DYNC1LI1: variants seen among roughly 807,000 people sequenced by gnomAD.
DYNC1LI1 encodes the protein cytoplasmic dynein 1 light intermediate chain 1.
DYNC1LI1 carries 19 observed loss-of-function variants against 63.8 expected under a neutral mutation model. The ratio of observed to expected loss-of-function variants is 0.30; its 90% confidence interval spans 0.21 to 0.44. The LOEUF (loss-of-function observed/expected upper bound fraction) is 0.44, where lower values mean the gene tolerates loss of function less well. Among genes scored for constraint, DYNC1LI1 ranks in the 20% least tolerant of loss-of-function variants. The pLI is 1.00. For missense variants in DYNC1LI1, 565 were observed against 630.2 expected (o/e 0.90, Z 1.11); for synonymous variants, 225 against 232.3 (o/e 0.97, Z 0.28).
At chr3:32,542,192 T>C (rs940120055) in intron 4 of DYNC1LI1, among the ~76,000 whole-genome samples, 6 of 152,122 alleles carry the variant, frequency 3.9e-5, no homozygotes, top group African/African-American at 1.4e-4. Context: ...CATGGCTCAC[T>C]ACAGCCCTGA....
chr3:32,542,548 C>T (rs1697896508), intron 4 of DYNC1LI1, among the ~76,000 whole-genome samples: 1 of 151,906 alleles, frequency 6.6e-6, no homozygotes, highest in African/African-American at 2.4e-5. Flanking sequence ...GCTGGGACTA[C>T]AGGCGCCCAC....
rs115862595 is a variant in DYNC1LI1, at chr3:32,548,260, G to A, written c.221-2295C>T. On this transcript the variant is annotated intron_variant, in intron 2 of 12. Transcript: ENST00000273130. Reference sequence around the variant, plus strand: ...CACCTCCCGTCAGATCAGCAGTGCCGGCATTAGATTCTCATAGGAGCCCAA... The same window carrying A: ...CACCTCCCGTCAGATCAGCAGTGCCAGCATTAGATTCTCATAGGAGCCCAA... Among the ~76,000 whole-genome samples, 816 of 152,126 alleles carry A rather than the reference G, an allele frequency of 5.4e-3. 11 individuals are homozygous for A. The highest frequency in any genetic ancestry group is 0.019 in the African/African-American group (768 of 41,506).
rs1280530631 is a variant in DYNC1LI1, at chr3:32,529,650, G to C, written c.1196C>G (p.Pro399Arg). 3 of 1,599,446 alleles carry C rather than the reference G, an allele frequency of 1.9e-6. No individual in the cohort carries two copies. Among genetic ancestry groups the C allele is most frequent in the Non-Finnish European group, 2.6e-6 (3 of 1,173,226 alleles). The change falls in exon 11 of 13, where the codon CCA becomes CGA. Residue 399 changes from proline to arginine, a missense_variant. Physicochemically the swap from Pro to Arg is moderately radical, Grantham distance 103 (BLOSUM62 -2). Transcript: ENST00000273130. Reference protein sequence around the residue: ...TAAGRPVDASPRVPGGSPRTP... With the variant: ...TAAGRPVDASRRVPGGSPRTP... ...TCGTGGGGAGCCTCCTGGGACTCTT[G>C]GTGAGGCATCCTATGTAAAAATAGG...
intron 2 of DYNC1LI1, among the ~76,000 whole-genome samples, chr3:32,569,079 A>C (rs1205528843): frequency 6.6e-6 from 1 of 152,076 alleles, no homozygotes; most frequent in Admixed American, 6.6e-5. Flanking sequence ...ACAAACATTA[A>C]CTCATTTGAT....
At position 32,526,634 on chromosome 3, in the gene DYNC1LI1, CCTT is replaced by C; in HGVS notation, c.*162_*164del. 1 of 538,122 alleles carries C rather than the reference CCTT, an allele frequency of 1.9e-6. No individual in the cohort carries two copies. Among genetic ancestry groups the C allele is most frequent in the South Asian group, 2.8e-5 (1 of 35,666 alleles). 33.3% of individuals were successfully genotyped at this position (538,122 alleles called of 1,614,324 possible). Reference sequence around the variant, plus strand: ...AGAATAATTTTTCTTCTGTACGGCTCCTTCTAAAAAATGGGTAACCACACACAC... The same window carrying C: ...AGAATAATTTTTCTTCTGTACGGCTCCTAAAAAATGGGTAACCACACACAC... On this transcript the variant is annotated 3_prime_UTR_variant, in exon 13 of 13. Coordinates refer to ENST00000273130, the MANE Select transcript of DYNC1LI1 (RefSeq NM_016141.4).
At chr3:32,527,373 G>A (rs900124759) in intron 12 of DYNC1LI1, among the ~76,000 whole-genome samples, 4 of 151,490 alleles carry the variant, frequency 2.6e-5, no homozygotes, top group African/African-American at 9.7e-5. Flanking sequence ...CCAAATGGAG[G>A]TATAACTGGC....
rs201287998 is a variant in DYNC1LI1 at position 32,528,535 on chromosome 3, G to A, written c.1373C>T (p.Ser458Phe). The change falls in exon 12 of 13, where the codon TCT (serine) becomes TTT (phenylalanine). Residue 458 changes from serine (S) to phenylalanine (F), a missense_variant. Transcript: ENST00000273130. ...ACCACTCACACCAGGGCCTCCTGGAGAGCCAGTCTTTTTACTCAACAAACT... is the reference window on the plus strand; with the variant it reads ...ACCACTCACACCAGGGCCTCCTGGAAAGCCAGTCTTTTTACTCAACAAACT... ...FNSLLSKKTG[S>F]PGGPGVSGGS... The A allele has an allele frequency of 1.8e-5, 29 of 1,613,924 alleles. No homozygotes were observed. Among genetic ancestry groups the A allele is most frequent in the South Asian group, 1.1e-5 (1 of 91,092 alleles).
At chr3:32,529,074 C>T (rs1697660900) in intron 11 of DYNC1LI1, among the ~76,000 whole-genome samples, 1 of 152,042 alleles carries the variant, frequency 6.6e-6, no homozygotes, top group Non-Finnish European at 1.5e-5. Context: ...GTATTTAAAG[C>T]ATGTTAATTA....
At chr3:32,535,387 C>T (rs1697760578) in intron 6 of DYNC1LI1, among the ~76,000 whole-genome samples, 1 of 152,198 alleles carries the variant, frequency 6.6e-6, no homozygotes, top group Non-Finnish European at 1.5e-5. Context: ...TGACCATCCA[C>T]ATTCTAGCAC....
chr3:32,539,467 T>A (rs1031959228), intron 5 of DYNC1LI1, among the ~76,000 whole-genome samples: 4 of 152,108 alleles, frequency 2.6e-5, no homozygotes, highest in Admixed American at 1.3e-4. Context: ...TCTTAACTAT[T>A]CCATGACTTA....
At chr3:32,538,527 C>G (rs188200328) in intron 5 of DYNC1LI1, among the ~76,000 whole-genome samples, 28 of 151,822 alleles carry the variant, frequency 1.8e-4, no homozygotes, top group Non-Finnish European at 4.0e-4. Flanking sequence ...GGTGAAACCC[C>G]GTCTCCACTA....
At chr3:32,539,257 T>C (rs1346575004) in intron 5 of DYNC1LI1, among the ~76,000 whole-genome samples, 1 of 152,134 alleles carries the variant, frequency 6.6e-6, no homozygotes, top group Non-Finnish European at 1.5e-5. Flanking sequence ...AACTTAATTA[T>C]TTTAAGTGCC....
At chr3:32,528,735 G>A (rs1697656467) in intron 11 of DYNC1LI1, 134 bp from the exon 12 acceptor site, 2 of 833,804 alleles carry the variant, frequency 2.4e-6, no homozygotes, top group Non-Finnish European at 3.5e-6. Context: ...TTCAAGTCTA[G>A]TTTGATCTTT....
intron 6 of DYNC1LI1, among the ~76,000 whole-genome samples, chr3:32,536,377 C>T (rs1697773465): frequency 6.6e-6 from 1 of 152,100 alleles, no homozygotes; most frequent in African/African-American, 2.4e-5. Context: ...AAGTTTTCAA[C>T]AGTAAAGTCT....
chr3:32,558,750 G>C (rs377268523), intron 2 of DYNC1LI1, among the ~76,000 whole-genome samples: 2 of 151,974 alleles, frequency 1.3e-5, no homozygotes, highest in African/African-American at 2.4e-5. Flanking sequence ...GAAGGCTGAG[G>C]CAGGAGAATC....
At position 32,545,006 on chromosome 3, in the gene DYNC1LI1, A is replaced by T. The variant is rs749646328; in HGVS notation, c.438T>A (p.Val146=). Reference sequence around the variant, plus strand: ...GCTTTGACATGTCAACAACCAGCATAACTAGAGTATCCTTCAGAGATACGG... The same window carrying T: ...GCTTTGACATGTCAACAACCAGCATTACTAGAGTATCCTTCAGAGATACGG... ...LDAVSLKDTL[V]MLVVDMSKPW... The change falls in exon 4 of 13, where the codon GTT becomes GTA. Residue 146 remains valine, a synonymous_variant. Coordinates refer to ENST00000273130, the MANE Select transcript of DYNC1LI1 (RefSeq NM_016141.4). 5.6e-6 allele frequency: 9 copies of T among 1,614,074 alleles called. No individual in the cohort carries two copies. Among genetic ancestry groups the T allele is most frequent in the Non-Finnish European group, 7.6e-6 (9 of 1,179,934 alleles).
rs376966081 is a variant in DYNC1LI1 at position 32,569,417 on chromosome 3, ACTT to A, written c.220+926_220+928del. Among the ~76,000 whole-genome samples, 691 of 152,288 alleles carry A rather than the reference ACTT, an allele frequency of 4.5e-3. 5 individuals are homozygous for A. The highest frequency in any genetic ancestry group is 0.016 in the African/African-American group (666 of 41,556). On this transcript the variant is annotated intron_variant, in intron 2 of 12. Transcript: ENST00000273130. ...CACGCAGCCTATCAAGTAGTATTTG[ACTT>A]CTTGTTTCCTGTTTTTAGATGGATA...
chr3:32,534,656 A>G lies in DYNC1LI1; in HGVS notation c.833-10T>C, dbSNP rs768723065. The G allele has an allele frequency of 1.3e-6, 2 of 1,525,522 alleles. No homozygotes were observed. The highest frequency in any genetic ancestry group is 2.7e-5 in the South Asian group (2 of 75,112). The allele number at this position is 1,525,522 out of a possible 1,614,324, so 94.5% of individuals were successfully genotyped here. A position where few individuals can be genotyped will look rare whatever the true frequency, so the allele number is the denominator to read the frequency against. On this transcript the variant is annotated splice_polypyrimidine_tract_variant and intron_variant, in intron 6 of 12. Transcript: ENST00000273130. ...ATAAGTGCTGCACCATCTGAATAATATGGTTAAAGAAAAATTCTGGACAAA... is the reference window on the plus strand; with the variant it reads ...ATAAGTGCTGCACCATCTGAATAATGTGGTTAAAGAAAAATTCTGGACAAA...
At position 32,528,572 on chromosome 3, in the gene DYNC1LI1, T is replaced by G. The variant is rs565360250; in HGVS notation, c.1336A>C (p.Asn446His). 1 of 1,612,606 alleles carries G rather than the reference T, an allele frequency of 6.2e-7. No homozygotes were observed. Among genetic ancestry groups the G allele is most frequent in the South Asian group, 1.1e-5 (1 of 90,768 alleles). Residue 446 changes from asparagine to histidine, a missense_variant, in exon 12 of 13, where the codon AAT becomes CAT. By Grantham distance (68) the Asn-to-His change is moderately conservative. Transcript: ENST00000273130. Reference sequence around the variant, plus strand: ...TTACTCAACAAACTGTTGAAGAAATTTGCCAGAACGCCTTCACTTGTAGCT... The same window carrying G: ...TTACTCAACAAACTGTTGAAGAAATGTGCCAGAACGCCTTCACTTGTAGCT... ...AGATSEGVLA[N>H]FFNSLLSKKT...
Sources: gnomAD v4.1 joint callset for allele counts (sites outside exome capture counted in the v4.1 genomes callset) on GRCh38, gnomAD v4.1.1 for gene constraint, MANE v1.5 for transcripts, NCBI Gene and HGNC (gene_info 2026-07-23, HGNC 2026-07-21) for gene names.